GRIA4: variants seen among roughly 807,000 people sequenced by gnomAD.
The protein encoded by GRIA4 is glutamate receptor 4.
Under a neutral mutation model 104.0 loss-of-function variants are expected in GRIA4, and 34 were observed. The observed-to-expected ratio is 0.33, with a 90% CI of 0.25 to 0.44. The LOEUF is 0.44. Among genes scored for constraint, GRIA4 ranks in the 20% least tolerant of loss-of-function variants. The pLI is 1.00. For missense variants in GRIA4, 750 were observed against 1,096.5 expected, an observed-to-expected ratio of 0.68 and a Z score of 4.46; for synonymous variants, 386 against 381.9, an observed-to-expected ratio of 1.01 and a Z score of -0.13.
At chr11:105,956,240 T>C (rs1448793520) in intron 14 of GRIA4, among the ~76,000 whole-genome samples, 7 of 152,144 alleles carry the variant, frequency 4.6e-5, no homozygotes, top group Non-Finnish European at 1.0e-4. Context: ...TTATATCTCC[T>C]AATGCTATCC....
In GRIA4 at chr11:105,753,017, T is replaced by C; in HGVS notation, c.284T>C (p.Phe95Ser). 6.2e-7 allele frequency: 1 copy of C among 1,613,556 alleles called. No homozygotes were observed. The highest frequency in any genetic ancestry group is 1.1e-5 in the South Asian group (1 of 91,070). The change falls in exon 4 of 17, where the codon TTT becomes TCT. Residue 95 changes from phenylalanine to serine, a missense_variant. This residue lies in a region of GRIA4 where 410 missense variants were observed against 502.7 expected (regional missense o/e 0.82). Transcript: ENST00000282499. ...TATTCTAGAGGAGTATTTGCCATTT[T>C]TGGACTCTATGATAAGAGGTCGGTA... ...SQYSRGVFAI[F>S]GLYDKRSVHT...
At chr11:105,622,811 G>A (rs1244261164) in intron 3 of GRIA4, among the ~76,000 whole-genome samples, 2 of 151,580 alleles carry the variant, frequency 1.3e-5, no homozygotes, top group Non-Finnish European at 2.9e-5. Context: ...CACTCATTAA[G>A]TAATTTATCA....
At chr11:105,796,487 C>T (rs1395418232) in intron 4 of GRIA4, among the ~76,000 whole-genome samples, 2 of 152,078 alleles carry the variant, frequency 1.3e-5, no homozygotes, top group Non-Finnish European at 2.9e-5. Flanking sequence ...TCATACATTT[C>T]CAAAATTTGA....
chr11:105,619,201 G>A (rs1484533492), intron 3 of GRIA4, among the ~76,000 whole-genome samples: 1 of 151,910 alleles, frequency 6.6e-6, no homozygotes, highest in South Asian at 2.1e-4. Flanking sequence ...AGCCAGATGA[G>A]TTTGAATTGG....
chr11:105,819,649 G>A (rs576127542), intron 4 of GRIA4, among the ~76,000 whole-genome samples: 3 of 151,450 alleles, frequency 2.0e-5, no homozygotes, highest in South Asian at 2.1e-4. Flanking sequence ...TAGGGGGTAA[G>A]GGTAGATAAA....
intron 16 of GRIA4, among the ~76,000 whole-genome samples, chr11:105,976,618 T>A (rs913496993): frequency 6.6e-6 from 1 of 152,060 alleles, no homozygotes; most frequent in African/African-American, 2.4e-5. Flanking sequence ...AGGAAAACTT[T>A]CATAAACTCT....
chr11:105,875,346 G>A (rs963432418), intron 5 of GRIA4, among the ~76,000 whole-genome samples: 1 of 152,178 alleles, frequency 6.6e-6, no homozygotes, highest in Non-Finnish European at 1.5e-5. Flanking sequence ...TCGCATTGAT[G>A]TTCATCAGGG....
At chr11:105,813,312 G>A (rs1439121986) in intron 4 of GRIA4, among the ~76,000 whole-genome samples, 1 of 152,060 alleles carries the variant, frequency 6.6e-6, no homozygotes, top group Non-Finnish European at 1.5e-5. Context: ...TCTTAATAAA[G>A]AAGATTTCAT....
At chr11:105,835,712 T>C (rs2135944451) in intron 4 of GRIA4, among the ~76,000 whole-genome samples, 1 of 152,130 alleles carries the variant, frequency 6.6e-6, no homozygotes, top group South Asian at 2.1e-4. Flanking sequence ...TTAATCAACA[T>C]GAAAAAGAGT....
intron 4 of GRIA4, among the ~76,000 whole-genome samples, chr11:105,779,311 C>T (rs866326331): frequency 6.6e-6 from 1 of 152,054 alleles, no homozygotes; most frequent in Non-Finnish European, 1.5e-5. Flanking sequence ...AATGGAAGAA[C>T]ATTCCATGCT....
chr11:105,754,918 T>C (rs928998377), intron 4 of GRIA4, among the ~76,000 whole-genome samples: 2 of 152,232 alleles, frequency 1.3e-5, no homozygotes, highest in Non-Finnish European at 1.5e-5. Flanking sequence ...AAATTGTTCC[T>C]AGGAGAGATA....
intron 5 of GRIA4, among the ~76,000 whole-genome samples, chr11:105,870,764 T>C (rs901508615): frequency 6.6e-6 from 1 of 152,072 alleles, no homozygotes; most frequent in East Asian, 1.9e-4. Flanking sequence ...AGTGGCCTCA[T>C]GGGCTTTACT....
In GRIA4 at chr11:105,844,403, G is replaced by A. The variant is rs1944507039; in HGVS notation, c.488-17621G>A. On this transcript the variant is annotated intron_variant, in intron 4 of 16. Transcript: ENST00000282499. ...CAAGGACCTCTTCAAATGCAATATT[G>A]AGACATAGTAAATTATGAATTCTAG... 2.0e-5 allele frequency among the ~76,000 whole-genome samples: 3 copies of A among 152,244 alleles called. No individual in the cohort carries two copies. The South Asian group carries it at 6.2e-4, about 32-fold the overall frequency.
intron 4 of GRIA4, among the ~76,000 whole-genome samples, chr11:105,791,518 T>C (rs889187293): frequency 6.6e-6 from 1 of 152,180 alleles, no homozygotes; most frequent in Non-Finnish European, 1.5e-5. Context: ...ATTACTCCCA[T>C]TTCAGTCCTC....
intron 4 of GRIA4, among the ~76,000 whole-genome samples, chr11:105,861,422 C>G (rs1159677768): frequency 1.3e-5 from 2 of 152,034 alleles, no homozygotes; most frequent in Non-Finnish European, 2.9e-5. Flanking sequence ...AGTGCCTCAC[C>G]TAGTGGTTAT....
intron 3 of GRIA4, among the ~76,000 whole-genome samples, chr11:105,684,683 CAGAAG>C (rs1197185285): frequency 2.0e-5 from 3 of 149,002 alleles, no homozygotes; most frequent in African/African-American, 7.4e-5. Flanking sequence ...AATCTTATCT[CAGAAG>C]AGAAGAAAAA....
chr11:105,618,154 G>A (rs1950647994), intron 3 of GRIA4, among the ~76,000 whole-genome samples: 1 of 151,936 alleles, frequency 6.6e-6, no homozygotes, highest in Non-Finnish European at 1.5e-5. Flanking sequence ...GAGGAGGGGA[G>A]TTGTGCTAAG....
At chr11:105,905,747 A>C (rs1257071024) in intron 9 of GRIA4, among the ~76,000 whole-genome samples, 1 of 152,206 alleles carries the variant, frequency 6.6e-6, no homozygotes, top group Non-Finnish European at 1.5e-5. Context: ...CAACTAGATA[A>C]ATTTCAATGA....
At chr11:105,632,529 A>G (rs541055242) in intron 3 of GRIA4, among the ~76,000 whole-genome samples, 19 of 152,362 alleles carry the variant, frequency 1.2e-4, no homozygotes, top group Middle Eastern at 3.4e-3. Context: ...AATTGTTGAC[A>G]AATTAATCAT....
Sources: allele counts gnomAD v4.1 joint callset (sites outside exome capture counted in the v4.1 genomes callset), GRCh38; gene constraint gnomAD v4.1.1; regional missense constraint gnomAD v4.1.1; transcripts MANE v1.5; gene names NCBI Gene and HGNC (gene_info 2026-07-23, HGNC 2026-07-21).